The following SPATA13 variants were observed in gnomAD, a reference collection of about 807,000 sequenced individuals.
SPATA13 encodes spermatogenesis-associated protein 13.
Under a neutral mutation model 104.0 loss-of-function variants are expected in SPATA13, and 50 were observed. The observed-to-expected ratio is 0.48, with a 90% CI of 0.38 to 0.61. SPATA13 has a LOEUF of 0.61. Among genes scored for constraint, SPATA13 ranks in the 20% least tolerant of loss-of-function variants. The probability of loss-of-function intolerance (pLI) is 0.00; values close to 1 mark genes in which losing one functional copy is unlikely to be tolerated. For synonymous variants in SPATA13, 606 were observed against 667.5 expected, an observed-to-expected ratio of 0.91 and a Z score of 1.42; for missense variants, 1,524 against 1,690.6, an observed-to-expected ratio of 0.90 and a Z score of 1.73.
chr13:24,207,324 C>T (rs1025514599), intron 1 of SPATA13, among the ~76,000 whole-genome samples: 13 of 152,192 alleles, frequency 8.5e-5, no homozygotes, highest in Admixed American at 4.6e-4. Flanking sequence ...CCATGGCATA[C>T]GTTTACCTAG....
At chr13:24,018,055 A>C (rs1876796526) in intron 3 of SPATA13, among the ~76,000 whole-genome samples, 1 of 152,194 alleles carries the variant, frequency 6.6e-6, no homozygotes, top group Admixed American at 6.5e-5. Flanking sequence ...TTTGTTTTGA[A>C]AGCAAATACA....
chr13:24,221,514 A>G (rs1871586367), intron 1 of SPATA13, among the ~76,000 whole-genome samples: 1 of 152,092 alleles, frequency 6.6e-6, no homozygotes, highest in Non-Finnish European at 1.5e-5. Flanking sequence ...GGGGAGGGCC[A>G]TGGACCCAGG....
At chr13:23,987,184 G>A (rs1294464752) in intron 2 of SPATA13, among the ~76,000 whole-genome samples, 1 of 152,078 alleles carries the variant, frequency 6.6e-6, no homozygotes, top group Non-Finnish European at 1.5e-5. Context: ...TTATGGGATG[G>A]ATAATCTTGG....
chr13:24,170,428 A>G (rs1170992550), intron 1 of SPATA13, among the ~76,000 whole-genome samples: 1 of 152,186 alleles, frequency 6.6e-6, no homozygotes, highest in Non-Finnish European at 1.5e-5. Context: ...TTGTGGGTGG[A>G]CACTACTCAT....
chr13:24,250,352 A>G (rs1300124235), intron 3 of SPATA13, among the ~76,000 whole-genome samples: 1 of 152,238 alleles, frequency 6.6e-6, no homozygotes, highest in Non-Finnish European at 1.5e-5. Flanking sequence ...AATGGATTAA[A>G]CACTTAGTAC....
At chr13:24,245,903 G>T (rs1404222466) in intron 2 of SPATA13, among the ~76,000 whole-genome samples, 14 of 152,010 alleles carry the variant, frequency 9.2e-5, no homozygotes, top group Admixed American at 8.5e-4. Flanking sequence ...AGTTGGTTTT[G>T]TGTGCTCTAC....
At chr13:24,108,798 G>A (rs1306749127) in intron 3 of SPATA13, among the ~76,000 whole-genome samples, 5 of 152,002 alleles carry the variant, frequency 3.3e-5, no homozygotes, top group South Asian at 2.1e-4. Context: ...AAAGATTGGC[G>A]CCCACGTTCC....
chr13:24,046,432 A>G (rs1878147536), intron 3 of SPATA13, among the ~76,000 whole-genome samples: 1 of 151,460 alleles, frequency 6.6e-6, no homozygotes, highest in African/African-American at 2.4e-5. Flanking sequence ...TAGCTAGGAC[A>G]CACTGCCACA....
At chr13:24,210,734 G>A (rs1462976752) in intron 1 of SPATA13, among the ~76,000 whole-genome samples, 1 of 137,226 alleles carries the variant, frequency 7.3e-6, no homozygotes, top group African/African-American at 2.6e-5. Flanking sequence ...TTGTCCGTCT[G>A]GAATCTTTTA....
intron 4 of SPATA13, among the ~76,000 whole-genome samples, chr13:24,269,990 G>GGGATTACA: frequency 6.6e-6 from 1 of 151,922 alleles, no homozygotes; most frequent in African/African-American, 2.4e-5. Flanking sequence ...CTGAGTAGTT[G>GGGATTACA]GGATTACAGG....
chr13:24,138,425 A>G (rs1490976643), intron 3 of SPATA13, among the ~76,000 whole-genome samples: 1 of 152,138 alleles, frequency 6.6e-6, no homozygotes, highest in African/African-American at 2.4e-5. Flanking sequence ...CTAGGACTGG[A>G]ACTGCTATTG....
intron 3 of SPATA13, among the ~76,000 whole-genome samples, chr13:24,048,657 G>A (rs1294191922): frequency 2.0e-5 from 3 of 150,734 alleles, no homozygotes; most frequent in African/African-American, 7.3e-5. Flanking sequence ...AGAGATTTTA[G>A]AGTCATCAGT....
chr13:24,029,790 G>A (rs1261298147), intron 3 of SPATA13, among the ~76,000 whole-genome samples: 10 of 151,758 alleles, frequency 6.6e-5, no homozygotes, highest in African/African-American at 2.2e-4. Flanking sequence ...TCCACCCTCC[G>A]ATAGGCCCCA....
intron 3 of SPATA13, among the ~76,000 whole-genome samples, chr13:24,100,085 T>G (rs1745869531): frequency 6.6e-6 from 1 of 152,172 alleles, no homozygotes; most frequent in Non-Finnish European, 1.5e-5. Context: ...TTAAGCTATA[T>G]TATTCTTTTC....
At chr13:24,046,342 G>A (rs1171391050) in intron 3 of SPATA13, among the ~76,000 whole-genome samples, 1 of 149,344 alleles carries the variant, frequency 6.7e-6, no homozygotes, top group Admixed American at 6.7e-5. Flanking sequence ...CACCAGGCTG[G>A]AGTGCAGTGG....
At chr13:23,984,953 C>G (rs1220136463) in intron 2 of SPATA13, among the ~76,000 whole-genome samples, 2 of 152,228 alleles carry the variant, frequency 1.3e-5, no homozygotes, top group African/African-American at 2.4e-5. Context: ...CCGGCGTGCA[C>G]ATCACATGGC....
chr13:24,113,534 G>T (rs960858458), intron 3 of SPATA13, among the ~76,000 whole-genome samples: 1 of 151,782 alleles, frequency 6.6e-6, no homozygotes, highest in South Asian at 2.1e-4. Flanking sequence ...GATAAGTAAA[G>T]AAAGCTACTT....
At chr13:24,258,314 A>G (rs565438743) in intron 4 of SPATA13, among the ~76,000 whole-genome samples, 40 of 144,166 alleles carry the variant, frequency 2.8e-4, no homozygotes, top group African/African-American at 9.8e-4. Flanking sequence ...GATGTGTGAA[A>G]TTGGTCCTTG....
rs1298165457 is a variant in SPATA13 at position 24,111,067 on chromosome 13, A to G, written c.-112+93366A>G. Among the ~76,000 whole-genome samples the G allele has an allele frequency of 2.6e-5, 4 of 151,468 alleles. No individual in the cohort carries two copies. The East Asian group carries it at 5.8e-4, about 22-fold the overall frequency. On this transcript the variant is annotated intron_variant, in intron 3 of 14. Transcript: ENST00000424834. ...GGACTACAGATACTTGACACCATGT[A>G]TGGCTGATTTTTTTTGTATTCTTCT...
Sources: allele counts gnomAD v4.1 joint callset (sites outside exome capture counted in the v4.1 genomes callset), GRCh38; gene constraint gnomAD v4.1.1; transcripts MANE v1.5; gene names NCBI Gene and HGNC (gene_info 2026-07-23, HGNC 2026-07-21).